The following DDR2 variants were observed in gnomAD, a reference collection of about 807,000 sequenced individuals.
The protein encoded by DDR2 is discoidin domain-containing receptor 2.
Under a neutral mutation model 94.9 loss-of-function variants are expected in DDR2, and 27 were observed. The ratio of observed to expected loss-of-function variants is 0.28; its 90% CI spans 0.21 to 0.39. The LOEUF is 0.39. DDR2 is among the 10% of genes least tolerant of loss of function. The pLI is 1.00. For synonymous variants in DDR2, 382 were observed against 377.2 expected (o/e 1.01, Z -0.15); for missense variants, 783 against 1,076.0 (o/e 0.73, Z 3.81).
Position 162,760,008 on chromosome 1 carries a change from C to A in DDR2, c.855+29C>A, listed in dbSNP as rs554400750. On this transcript the variant is annotated intron_variant, in intron 8 of 17. Coordinates refer to ENST00000367921, the MANE Select transcript of DDR2 (RefSeq NM_006182.4). ...AGTGGGGTCGGGTGTGGTGGAACTT[C>A]TTTAAGGAGGCACAAATCATAGTGT... is the stretch of plus-strand genomic sequence containing the variant. 3.1e-5 allele frequency: 50 copies of A among 1,613,926 alleles called. No individual in the cohort carries two copies. In the East Asian group the frequency reaches 1.1e-3, roughly 35 times the overall value.
At position 162,699,925 on chromosome 1, in the gene DDR2, C is replaced by T. The variant is rs534241140; in HGVS notation, c.-27-19112C>T. 5.3e-5 allele frequency among the ~76,000 whole-genome samples: 8 copies of T among 152,338 alleles called. No homozygotes were observed. In the East Asian group the frequency reaches 1.5e-3, roughly 29 times the overall value. Reference sequence around the variant, plus strand: ...AAGATCTTTTCCTCCTAATTAGCTTCTATTGTCACCTCTTCCTAAGTTGAT... The same window carrying T: ...AAGATCTTTTCCTCCTAATTAGCTTTTATTGTCACCTCTTCCTAAGTTGAT... On this transcript the variant is annotated intron_variant, in intron 2 of 17. Coordinates refer to ENST00000367921, the MANE Select transcript of DDR2 (RefSeq NM_006182.4).
chr1:162,774,827 A>G (rs1208708462), intron 14 of DDR2, among the ~76,000 whole-genome samples: 1 of 152,098 alleles, frequency 6.6e-6, no homozygotes, highest in Non-Finnish European at 1.5e-5. Context: ...GGAATGAAAG[A>G]GGGGAGGTGT....
At chr1:162,755,852 C>A (rs1663438762) in intron 7 of DDR2, 83 bp downstream of exon 7, 2 of 1,157,908 alleles carry the variant, frequency 1.7e-6, no homozygotes, top group Non-Finnish European at 2.6e-6. Context: ...GATCAATAAT[C>A]AATCAACCAA....
At chr1:162,669,388 G>A (rs150534781) in intron 2 of DDR2, among the ~76,000 whole-genome samples, 1 of 152,302 alleles carries the variant, frequency 6.6e-6, no homozygotes, top group East Asian at 1.9e-4. Flanking sequence ...CAATGGAGAT[G>A]ATCGAATACC....
intron 2 of DDR2, among the ~76,000 whole-genome samples, chr1:162,659,814 AT>A (rs1249823433): frequency 1.3e-5 from 2 of 152,158 alleles, no homozygotes; most frequent in Non-Finnish European, 2.9e-5. Context: ...TAAGGTCTCA[AT>A]TTCTTGTTTT....
At position 162,751,714 on chromosome 1, in the gene DDR2, G is replaced by T. The variant is rs778865432; in HGVS notation, c.83-1381G>T. Among the ~76,000 whole-genome samples, 6 of 152,174 alleles carry T rather than the reference G, an allele frequency of 3.9e-5. No individual in the cohort carries two copies. In the East Asian group the frequency reaches 9.7e-4, roughly 24 times the overall value. On this transcript the variant is annotated intron_variant, in intron 3 of 17. Transcript: ENST00000367921. ...CATGCACATGTATGTTTATTGTGGCGCTATTCACAATAGCAAAGACTTGGA... is the reference window on the plus strand; with the variant it reads ...CATGCACATGTATGTTTATTGTGGCTCTATTCACAATAGCAAAGACTTGGA...
At chr1:162,722,037 T>C in intron 3 of DDR2, among the ~76,000 whole-genome samples, 1 of 152,228 alleles carries the variant, frequency 6.6e-6, no homozygotes, top group East Asian at 1.9e-4. Context: ...GAAATATCAA[T>C]CTTGGTGTCT....
chr1:162,743,499 C>G (rs138405400), intron 3 of DDR2, among the ~76,000 whole-genome samples: 88 of 152,290 alleles, frequency 5.8e-4, no homozygotes, highest in Admixed American at 4.4e-3. Flanking sequence ...CCTGCCACCT[C>G]TACTCCACCC....
At chr1:162,667,114 T>C (rs936803529) in intron 2 of DDR2, among the ~76,000 whole-genome samples, 5 of 152,076 alleles carry the variant, frequency 3.3e-5, no homozygotes, top group Non-Finnish European at 7.4e-5. Flanking sequence ...GCAGAATCAT[T>C]TGTTGTTTGA....
intron 2 of DDR2, among the ~76,000 whole-genome samples, chr1:162,682,154 G>C (rs1659439482): frequency 6.6e-6 from 1 of 152,088 alleles, no homozygotes; most frequent in African/African-American, 2.4e-5. Flanking sequence ...AGAGTGGAGG[G>C]TGGGGGTCCA....
chr1:162,636,423 G>A lies in DDR2; in HGVS notation c.-192+3792G>A, dbSNP rs187802277. 1.7e-3 allele frequency among the ~76,000 whole-genome samples: 259 copies of A among 152,302 alleles called. 4 individuals carry two copies. Among genetic ancestry groups the A allele is most frequent in the African/African-American group, 5.2e-3 (218 of 41,564 alleles). On this transcript the variant is annotated intron_variant, in intron 1 of 17. Coordinates refer to ENST00000367921, the MANE Select transcript of DDR2 (RefSeq NM_006182.4). Reference sequence around the variant, plus strand: ...CTGTAATGGATCCACTCATTAAGTCGTCTGTGGCTTGTGATTTGTGCCTAA... The same window carrying A: ...CTGTAATGGATCCACTCATTAAGTCATCTGTGGCTTGTGATTTGTGCCTAA...
chr1:162,718,905 C>G, intron 2 of DDR2, 132 bp from the exon 3 acceptor site: 3 of 838,668 alleles, frequency 3.6e-6, no homozygotes, highest in Non-Finnish European at 5.9e-6. Flanking sequence ...TTCGAAGTCC[C>G]ATATATAAAA....
At position 162,676,735 on chromosome 1, in the gene DDR2, TA is replaced by T. The variant is rs1444767211; in HGVS notation, c.-28+21367del. Among the ~76,000 whole-genome samples the T allele has an allele frequency of 2.0e-5, 3 of 152,242 alleles. No individual in the cohort carries two copies. In the East Asian group the frequency reaches 5.8e-4, roughly 29 times the overall value. ...CAATGTTTTTAAAAGTCCCTGGAGT[TA>T]AAAAATTCCTAGGAGGTAAATATTA... is the stretch of plus-strand genomic sequence containing the variant. On this transcript the variant is annotated intron_variant, in intron 2 of 17. Coordinates refer to ENST00000367921, the MANE Select transcript of DDR2 (RefSeq NM_006182.4).
chr1:162,678,571 A>G (rs991554143), intron 2 of DDR2, among the ~76,000 whole-genome samples: 7 of 152,338 alleles, frequency 4.6e-5, no homozygotes, highest in African/African-American at 1.7e-4. Flanking sequence ...CACTGGCCCA[A>G]GGTCACGGAG....
intron 2 of DDR2, among the ~76,000 whole-genome samples, chr1:162,676,288 C>T (rs1360219973): frequency 6.6e-6 from 1 of 152,120 alleles, no homozygotes; most frequent in Admixed American, 6.5e-5. Context: ...CTTGTAATTC[C>T]AGCCTGACTC....
At chr1:162,679,449 A>AG (rs1659293409) in intron 2 of DDR2, among the ~76,000 whole-genome samples, 1 of 152,188 alleles carries the variant, frequency 6.6e-6, no homozygotes, top group Non-Finnish European at 1.5e-5. Flanking sequence ...TGGAGCCTCC[A>AG]GCTCCATCCA....
intron 2 of DDR2, among the ~76,000 whole-genome samples, chr1:162,678,145 A>G (rs890670451): frequency 3.3e-5 from 5 of 152,176 alleles, no homozygotes; most frequent in African/African-American, 1.2e-4. Context: ...TGGCTGAGCT[A>G]AAGAGTTGAC....
intron 2 of DDR2, among the ~76,000 whole-genome samples, chr1:162,707,110 A>G (rs1007847510): frequency 6.6e-6 from 1 of 152,130 alleles, no homozygotes; most frequent in Admixed American, 6.5e-5. Context: ...CCTGGGCCAT[A>G]TTCTTCCTAG....
intron 2 of DDR2, among the ~76,000 whole-genome samples, chr1:162,678,030 T>G (rs1659222625): frequency 6.6e-6 from 1 of 152,180 alleles, no homozygotes; most frequent in African/African-American, 2.4e-5. Context: ...GAGAGTGAAT[T>G]TGGTGAAACC....
Sources: allele counts gnomAD v4.1 joint callset (sites outside exome capture counted in the v4.1 genomes callset), GRCh38; gene constraint gnomAD v4.1.1; transcripts MANE v1.5; gene names NCBI Gene and HGNC (gene_info 2026-07-23, HGNC 2026-07-21).